CHST6: variants seen among roughly 807,000 people sequenced by gnomAD.
The protein encoded by CHST6 is N-acetylglucosamine 6-O-sulfotransferase 5.
For synonymous variants in CHST6, 309 were observed against 276.4 expected, an observed-to-expected ratio of 1.12 and a Z score of -1.17; for missense variants, 698 against 586.2, an observed-to-expected ratio of 1.19 and a Z score of -1.97.
At position 75,479,162 on chromosome 16, in the gene CHST6, C is replaced by T; in HGVS notation, c.667G>A (p.Gly223Ser). The T allele has an allele frequency of 3.1e-6, 5 of 1,607,650 alleles. No individual in the cohort carries two copies. The highest frequency in any genetic ancestry group is 4.2e-6 in the Non-Finnish European group (5 of 1,178,974). ...GTGCCGTTGGTGCCCAGCACGATGC[C>T]GTTGTCACGCGCCAGAGCCTTGGCT... ...QTAKALARDN[G>S]IVLGTNGTWV... Residue 223 changes from glycine (G) to serine (S), a missense_variant, in exon 3 of 3, where the codon GGC (glycine) becomes AGC (serine). Coordinates refer to ENST00000332272, the MANE Select transcript of CHST6 (RefSeq NM_021615.5).
At chr16:75,489,398 C>CAAAAAAAA (rs901241278) in intron 1 of CHST6, among the ~76,000 whole-genome samples, 28 of 57,810 alleles carry the variant, frequency 4.8e-4, no homozygotes, top group African/African-American at 7.7e-4. Flanking sequence ...GACTCTGTCT[C>CAAAAAAAA]AAAAAAAAAA....
intron 1 of CHST6, among the ~76,000 whole-genome samples, chr16:75,482,461 C>A (rs1237247966): frequency 2.6e-5 from 4 of 152,146 alleles, no homozygotes; most frequent in Non-Finnish European, 5.9e-5. Flanking sequence ...TCACTTGAAC[C>A]TGGGAAGCAG....
intron 1 of CHST6, among the ~76,000 whole-genome samples, 165 bp downstream of exon 1, chr16:75,494,775 C>G (rs973586910): frequency 6.6e-6 from 1 of 152,222 alleles, no homozygotes; most frequent in Non-Finnish European, 1.5e-5. Flanking sequence ...CCAACAGCGG[C>G]GATGCCCTTT....
At position 75,479,139 on chromosome 16, in the gene CHST6, G is replaced by C; in HGVS notation, c.690C>G (p.Gly230=). The change falls in exon 3 of 3, where the codon GGC becomes GGG. Residue 230 remains glycine, a synonymous_variant. Coordinates refer to ENST00000332272, the MANE Select transcript of CHST6 (RefSeq NM_021615.5). ...GGCCGGGGTCGGCCTCCACCCACGTGCCGTTGGTGCCCAGCACGATGCCGT... is the reference window on the plus strand; with the variant it reads ...GGCCGGGGTCGGCCTCCACCCACGTCCCGTTGGTGCCCAGCACGATGCCGT... ...RDNGIVLGTN[G]TWVEADPGLR... 1 of 1,606,540 alleles carries C rather than the reference G, an allele frequency of 6.2e-7. No homozygotes were observed. The highest frequency in any genetic ancestry group is 8.5e-7 in the Non-Finnish European group (1 of 1,178,838).
intron 2 of CHST6, among the ~76,000 whole-genome samples, chr16:75,480,927 CAAAAAAA>C (rs60465949): frequency 4.5e-5 from 5 of 111,390 alleles, no homozygotes; most frequent in African/African-American, 1.6e-4. Context: ...AACTTCATTC[CAAAAAAA>C]AAAAAAAAAA....
At position 75,479,394 on chromosome 16, in the gene CHST6, G is replaced by A. The variant is rs997667667; in HGVS notation, c.435C>T (p.Ser145=). The A allele has an allele frequency of 2.5e-6, 4 of 1,612,638 alleles. No individual in the cohort carries two copies. Among genetic ancestry groups the A allele is most frequent in the East Asian group, 2.2e-5 (1 of 44,872 alleles). The stretch of plus-strand genomic sequence containing the variant: ...CGCACAGTGGCTTGCACACGGCCTC[G>A]CTGCTGATGGCGCCTCGGGGAAAGG... ...CSAFPRGAIS[S]EAVCKPLCAR... is the part of the protein sequence containing the mutation. The change falls in exon 3 of 3, where the codon AGC becomes AGT. Residue 145 remains serine, a synonymous_variant. Coordinates refer to ENST00000332272, the MANE Select transcript of CHST6 (RefSeq NM_021615.5).
chr16:75,491,190 A>AAAAATATATATATAT (rs1206595857), intron 1 of CHST6, among the ~76,000 whole-genome samples: 14 of 50,074 alleles, frequency 2.8e-4, no homozygotes, highest in Admixed American at 7.3e-4. Context: ...AAAAAAAAAA[A>AAAAATATATATATAT]ATATATATAT....
At position 75,472,420 on chromosome 16, in the gene CHST6, T is replaced by TG. The variant is rs1403091190; in HGVS notation, c.*6220dup. On this transcript the variant is annotated 3_prime_UTR_variant, in exon 3 of 3. Transcript: ENST00000332272. ...AACAAAGCATATTCAAAAGAGGCTG[T>TG]GGTAAGTCAACAGCAACATGGGCAC... is the stretch of plus-strand genomic sequence containing the variant. 6.6e-6 allele frequency: 1 copy of TG among 152,154 alleles called. No individual in the cohort carries two copies. The highest frequency in any genetic ancestry group is 6.5e-5 in the Admixed American group (1 of 15,270). 9.4% of individuals were successfully genotyped at this position (152,154 alleles called of 1,614,324 possible). A position where few individuals can be genotyped will look rare whatever the true frequency, so the allele number is the denominator to read the frequency against.
chr16:75,487,815 A>AG, intron 1 of CHST6, among the ~76,000 whole-genome samples: 1 of 150,166 alleles, frequency 6.7e-6, no homozygotes, highest in Admixed American at 6.7e-5. Context: ...CTAAAAAAAA[A>AG]AAAAAAAAAA....
At chr16:75,485,118 C>T (rs570711639) in intron 1 of CHST6, among the ~76,000 whole-genome samples, 50 of 152,138 alleles carry the variant, frequency 3.3e-4, no homozygotes, top group African/African-American at 1.2e-3. Flanking sequence ...CATATTTTTT[C>T]AGGAGGAGGG....
At position 75,472,112 on chromosome 16, in the gene CHST6, T is replaced by C. The variant is rs1034507782; in HGVS notation, c.*6529A>G. 5.9e-5 allele frequency: 9 copies of C among 152,312 alleles called. No individual in the cohort carries two copies. The highest frequency in any genetic ancestry group is 1.2e-4 in the Non-Finnish European group (8 of 68,010). The allele number at this position is 152,312 out of a possible 1,614,324, so 9.4% of individuals were successfully genotyped here. A position where few individuals can be genotyped will look rare whatever the true frequency, so the allele number is the denominator to read the frequency against. ...AAAGTCGTTTCAACAAGACATAAAA[T>C]CCACTGGCCATAAGGAAAGGATTCA... is the stretch of plus-strand genomic sequence containing the variant. On this transcript the variant is annotated 3_prime_UTR_variant, in exon 3 of 3. Coordinates refer to ENST00000332272, the MANE Select transcript of CHST6 (RefSeq NM_021615.5).
Position 75,479,091 on chromosome 16 carries a change from G to C in CHST6, c.738C>G (p.Cys246Trp), listed in dbSNP as rs1419569901. The stretch of plus-strand genomic sequence containing the variant: ...CCTCGGCGATGCGTACGTGGCTACG[G>C]CACACCTCGCGCACCACGCGCAGGC... ...DPGLRVVREVCRSHVRIAEAA... is the reference protein window; with the variant it reads ...DPGLRVVREVWRSHVRIAEAA... Residue 246 changes from cysteine (C) to tryptophan (W), a missense_variant, in exon 3 of 3, where the codon TGC (cysteine) becomes TGG (tryptophan). Coordinates refer to ENST00000332272, the MANE Select transcript of CHST6 (RefSeq NM_021615.5). The C allele has an allele frequency of 6.2e-7, 1 of 1,605,014 alleles. No individual in the cohort carries two copies. Among genetic ancestry groups the C allele is most frequent in the Non-Finnish European group, 8.5e-7 (1 of 1,178,998 alleles).
At chr16:75,481,743 G>T in intron 2 of CHST6, 74 bp downstream of exon 2, 1 of 453,462 alleles carries the variant, frequency 2.2e-6, no homozygotes, top group Non-Finnish European at 4.5e-6. Flanking sequence ...ACCAGCTGAG[G>T]CGGAGCTGGG....
chr16:75,481,311 G>A lies in CHST6; in HGVS notation c.-17+506C>T, dbSNP rs530872859. The stretch of plus-strand genomic sequence containing the variant: ...GTACAATATCAAAATGAGCAAATAA[G>A]TCCAGGCACAGTGGCTCATGCCTGT... On this transcript the variant is annotated intron_variant, in intron 2 of 2. Transcript: ENST00000332272. Among the ~76,000 whole-genome samples the A allele has an allele frequency of 1.2e-3, 181 of 151,068 alleles. 2 individuals carry two copies. The highest frequency in any genetic ancestry group is 1.9e-3 in the Non-Finnish European group (127 of 67,792).
At chr16:75,490,787 C>T (rs980064362) in intron 1 of CHST6, 6 of 152,050 alleles carry the variant, frequency 3.9e-5, no homozygotes, top group African/African-American at 7.2e-5. Context: ...TACAAGCCCA[C>T]ATGAAAACCT....
intron 1 of CHST6, among the ~76,000 whole-genome samples, chr16:75,491,088 C>T (rs1485102776): frequency 7.1e-6 from 1 of 141,394 alleles, no homozygotes; most frequent in Non-Finnish European, 1.5e-5. Context: ...CACCTGAGGT[C>T]AGGAAGGCAG....
chr16:75,493,787 AGACAGGGTCCC>A (rs2080281697), intron 1 of CHST6, among the ~76,000 whole-genome samples: 1 of 152,318 alleles, frequency 6.6e-6, no homozygotes, highest in African/African-American at 2.4e-5. Context: ...TGGCAGGCAC[AGACAGGGTCCC>A]CACAAGGGCA....
intron 1 of CHST6, among the ~76,000 whole-genome samples, chr16:75,494,561 C>T (rs1468772614): frequency 2.6e-5 from 4 of 152,198 alleles, no homozygotes; most frequent in African/African-American, 9.6e-5. Context: ...GAAGCAGTGA[C>T]GCAGGACTCC....
At chr16:75,480,859 G>A (rs1449008468) in intron 2 of CHST6, among the ~76,000 whole-genome samples, 2 of 150,670 alleles carry the variant, frequency 1.3e-5, no homozygotes, top group Non-Finnish European at 2.9e-5. Flanking sequence ...GAACCCGGGA[G>A]GCAGAGGTTG....
Sources: allele counts gnomAD v4.1 joint callset (sites outside exome capture counted in the v4.1 genomes callset), GRCh38; gene constraint gnomAD v4.1.1; transcripts MANE v1.5; gene names NCBI Gene and HGNC (gene_info 2026-07-23, HGNC 2026-07-21).